Variants in TBC1D3B observed in about 807,000 individuals in gnomAD.
TBC1D3B encodes the protein TBC1 domain family member 3B.
TBC1D3B carries 2 observed loss-of-function variants against 27.1 expected under a neutral mutation model. The observed-to-expected ratio is 0.07, with a 90% CI of 0.03 to 0.23. The LOEUF (loss-of-function observed/expected upper bound fraction) is 0.23, where lower values mean the gene tolerates loss of function less well. TBC1D3B is among the 10% of genes least tolerant of loss of function. The probability of loss-of-function intolerance (pLI) is 1.00; values close to 1 mark genes in which losing one functional copy is unlikely to be tolerated. For synonymous variants in TBC1D3B, 3 were observed against 150.1 expected (o/e 0.02, Z 7.16); for missense variants, 17 against 401.3 (o/e 0.04, Z 8.18).
Position 36,171,919 on chromosome 17 carries a change from T to TG in TBC1D3B, c.432dup (p.Ile145HisfsTer34), listed in dbSNP as rs2068367259. 1 of 1,606,620 alleles carries TG rather than the reference T, an allele frequency of 6.2e-7. No individual in the cohort carries two copies. The highest frequency in any genetic ancestry group is 1.3e-5 in the African/African-American group (1 of 74,872). The stretch of plus-strand genomic sequence containing the variant: ...AATGTCCCGCTTATGTCCCGGTCGA[T>TG]GCGCTGGATGTGCTCAGATGACCTC... On this transcript the variant is annotated frameshift_variant, in exon 7 of 14. Transcript: ENST00000611257. LOFTEE classifies it high-confidence loss of function.
At chr17:36,167,889 C>CCCT (rs2068284747) in intron 12 of TBC1D3B, among the ~76,000 whole-genome samples, 178 bp downstream of exon 12, 1 of 105,204 alleles carries the variant, frequency 9.5e-6, no homozygotes, top group Non-Finnish European at 2.7e-5. Context: ...TCTCGACTTT[C>CCCT]ATCTGGGTCA....
chr17:36,171,381 A>C (rs2068352033), intron 7 of TBC1D3B, among the ~76,000 whole-genome samples: 2 of 150,848 alleles, frequency 1.3e-5, no homozygotes, highest in African/African-American at 4.8e-5. Context: ...GTGTGGTTCA[A>C]GTCCATCGAG....
At chr17:36,170,096 G>A in intron 8 of TBC1D3B, 85 bp from the exon 9 acceptor site, 1 of 99,012 alleles carries the variant, frequency 1.0e-5, no homozygotes, top group South Asian at 5.2e-5. Flanking sequence ...GGAGAGGGCA[G>A]AGGTGACTGG....
In TBC1D3B at chr17:36,165,850, G is replaced by C; in HGVS notation, c.*145C>G. 1 of 950,808 alleles carries C rather than the reference G, an allele frequency of 1.1e-6. No individual in the cohort carries two copies. The highest frequency in any genetic ancestry group is 1.6e-6 in the Non-Finnish European group (1 of 631,226). The allele number at this position is 950,808 out of a possible 1,614,324, so 58.9% of individuals were successfully genotyped here. A position where few individuals can be genotyped will look rare whatever the true frequency, so the allele number is the denominator to read the frequency against. ...GGCTTTGTGATCTGGGGTCTGGTGT[G>C]TTCCATCTCTGAATGTCTCTCAAGC... On this transcript the variant is annotated 3_prime_UTR_variant, in exon 14 of 14. Coordinates refer to ENST00000611257, the MANE Select transcript of TBC1D3B (RefSeq NM_001001417.7).
intron 13 of TBC1D3B, among the ~76,000 whole-genome samples, chr17:36,167,101 G>A (rs1369732079): frequency 1.0e-4 from 11 of 108,402 alleles, no homozygotes; most frequent in South Asian, 3.2e-4. Context: ...CAGGGACACC[G>A]ATTCCCTTGA....
At chr17:36,166,928 C>T (rs1471585657) in intron 13 of TBC1D3B, among the ~76,000 whole-genome samples, 13 of 52,882 alleles carry the variant, frequency 2.5e-4, no homozygotes, top group Non-Finnish European at 6.8e-4. Flanking sequence ...CGTGGGGACC[C>T]GTCTCCGCAG....
intron 5 of TBC1D3B, 193 bp downstream of exon 5, chr17:36,172,647 TCCCAG>T: frequency 2.5e-6 from 1 of 404,904 alleles, no homozygotes; most frequent in Non-Finnish European, 5.2e-6. Flanking sequence ...CTCCGGGTAG[TCCCAG>T]CCCTAGATTC....
rs1172870335 is a variant in TBC1D3B at position 36,168,464 on chromosome 17, T to G, written c.828+166A>C. 3.7e-4 allele frequency among the ~76,000 whole-genome samples: 22 copies of G among 59,562 alleles called. 6 individuals carry two copies. Among genetic ancestry groups the G allele is most frequent in the African/African-American group, 1.1e-3 (22 of 20,938 alleles). 39.1% of individuals were successfully genotyped at this position (59,562 alleles called of 152,430 possible). A position where few individuals can be genotyped will look rare whatever the true frequency, so the allele number is the denominator to read the frequency against. On this transcript the variant is annotated intron_variant, in intron 11 of 13. Transcript: ENST00000611257. ...GAGGCTGGGCCTGAGCCCCAGCCAT[T>G]GCCCTGGGATGACTCCTCTTGGGCA...
rs1464448051 is a variant in TBC1D3B at position 36,171,160 on chromosome 17, G to A, written c.498-557C>T. On this transcript the variant is annotated intron_variant, in intron 7 of 13. Coordinates refer to ENST00000611257, the MANE Select transcript of TBC1D3B (RefSeq NM_001001417.7). ...ATGCATCTAGGATCCACCCACGTTCGTGCGGGCATCACCGGCTCGTTCCCT... is the reference window on the plus strand; with the variant it reads ...ATGCATCTAGGATCCACCCACGTTCATGCGGGCATCACCGGCTCGTTCCCT... Among the ~76,000 whole-genome samples, 8 of 148,814 alleles carry A rather than the reference G, an allele frequency of 5.4e-5. No homozygotes were observed. In the East Asian group the frequency reaches 7.7e-4, roughly 14 times the overall value.
At chr17:36,169,583 G>A (rs1172527613) in intron 9 of TBC1D3B, among the ~76,000 whole-genome samples, 4 of 144,794 alleles carry the variant, frequency 2.8e-5, no homozygotes, top group African/African-American at 9.7e-5. Flanking sequence ...CAGCTGGAGG[G>A]CAGGAGGACT....
At position 36,165,841 on chromosome 17, in the gene TBC1D3B, G is replaced by A; in HGVS notation, c.*154C>T. On this transcript the variant is annotated 3_prime_UTR_variant, in exon 14 of 14. Coordinates refer to ENST00000611257, the MANE Select transcript of TBC1D3B (RefSeq NM_001001417.7). ...GGCATGGTTGGCTTTGTGATCTGGG[G>A]TCTGGTGTGTTCCATCTCTGAATGT... The A allele has an allele frequency of 2.1e-6, 2 of 952,932 alleles. No individual in the cohort carries two copies. The highest frequency in any genetic ancestry group is 2.9e-4 in the Middle Eastern group (1 of 3,416). The allele number at this position is 952,932 out of a possible 1,614,324, so 59.0% of individuals were successfully genotyped here. A position where few individuals can be genotyped will look rare whatever the true frequency, so the allele number is the denominator to read the frequency against.
Position 36,174,888 on chromosome 17 carries a change from C to A in TBC1D3B, c.73-72G>T. 4.9e-6 allele frequency: 2 copies of A among 405,306 alleles called. 1 individual carries two copies. Among genetic ancestry groups the A allele is most frequent in the Admixed American group, 5.2e-5 (2 of 38,098 alleles). The allele number at this position is 405,306 out of a possible 1,614,324, so 25.1% of individuals were successfully genotyped here. The stretch of plus-strand genomic sequence containing the variant: ...CAAGGGCCTGGGGGCATTGGCCACC[C>A]GTCCCTGCCCTGTGCTCCTAGGGAG... On this transcript the variant is annotated intron_variant, in intron 2 of 13. Coordinates refer to ENST00000611257, the MANE Select transcript of TBC1D3B (RefSeq NM_001001417.7).
At chr17:36,171,245 T>C (rs1444016668) in intron 7 of TBC1D3B, among the ~76,000 whole-genome samples, 1 of 150,652 alleles carries the variant, frequency 6.6e-6, no homozygotes, top group Non-Finnish European at 1.5e-5. Context: ...ATTCCCGTGT[T>C]GAAGGCCGTC....
At chr17:36,171,264 C>T (rs1443147864) in intron 7 of TBC1D3B, among the ~76,000 whole-genome samples, 2 of 150,866 alleles carry the variant, frequency 1.3e-5, no homozygotes, top group African/African-American at 2.4e-5. Context: ...TCCCCGAAGG[C>T]TCCGTGTGTG....
At position 36,165,836 on chromosome 17, in the gene TBC1D3B, C is replaced by G; in HGVS notation, c.*159G>C. ...GGCTGGGCATGGTTGGCTTTGTGAT[C>G]TGGGGTCTGGTGTGTTCCATCTCTG... On this transcript the variant is annotated 3_prime_UTR_variant, in exon 14 of 14. Transcript: ENST00000611257. 2 of 958,308 alleles carry G rather than the reference C, an allele frequency of 2.1e-6. No individual in the cohort carries two copies. Among genetic ancestry groups the G allele is most frequent in the Non-Finnish European group, 3.1e-6 (2 of 641,212 alleles). 59.4% of individuals were successfully genotyped at this position (958,308 alleles called of 1,614,324 possible).
At chr17:36,169,370 C>T (rs1425182086) in intron 9 of TBC1D3B, among the ~76,000 whole-genome samples, 196 bp from the exon 10 acceptor site, 345 of 144,562 alleles carry the variant, frequency 2.4e-3, no homozygotes, top group African/African-American at 6.4e-3. Context: ...CTGGAGGTTC[C>T]CCTGGAGGCC....
intron 13 of TBC1D3B, among the ~76,000 whole-genome samples, chr17:36,167,119 G>A (rs1251588177): frequency 9.3e-6 from 1 of 107,738 alleles, no homozygotes; most frequent in African/African-American, 2.5e-5. Context: ...TGACTCCCTG[G>A]CTCCAGGCTT....
Position 36,169,432 on chromosome 17 carries a change from G to T in TBC1D3B, c.668-258C>A, listed in dbSNP as rs1302248000. Among the ~76,000 whole-genome samples the T allele has an allele frequency of 1.4e-4, 21 of 149,392 alleles. No individual in the cohort carries two copies. The South Asian group carries it at 2.4e-3, about 17-fold the overall frequency. ...AGCCTGACTTTCAGGCCACGACAGG[G>T]TGGCCGGAACTGGGTGGGCGCTGGG... On this transcript the variant is annotated intron_variant, in intron 9 of 13. Coordinates refer to ENST00000611257, the MANE Select transcript of TBC1D3B (RefSeq NM_001001417.7).
Position 36,165,837 on chromosome 17 carries a change from T to C in TBC1D3B, c.*158A>G. The C allele has an allele frequency of 2.1e-6, 2 of 951,786 alleles. 1 individual carries two copies. The highest frequency in any genetic ancestry group is 3.1e-6 in the Non-Finnish European group (2 of 635,868). The allele number at this position is 951,786 out of a possible 1,614,324, so 59.0% of individuals were successfully genotyped here. ...GCTGGGCATGGTTGGCTTTGTGATC[T>C]GGGGTCTGGTGTGTTCCATCTCTGA... On this transcript the variant is annotated 3_prime_UTR_variant, in exon 14 of 14. Transcript: ENST00000611257.
Sources: allele counts gnomAD v4.1 joint callset (sites outside exome capture counted in the v4.1 genomes callset), GRCh38; gene constraint gnomAD v4.1.1; transcripts MANE v1.5; gene names NCBI Gene and HGNC (gene_info 2026-07-23, HGNC 2026-07-21).